GABRG3: variants seen among roughly 807,000 people sequenced by gnomAD.
GABRG3 encodes the protein gamma-aminobutyric acid receptor subunit gamma-3.
Under a neutral mutation model 48.8 loss-of-function variants are expected in GABRG3, and 25 were observed. That is an observed-to-expected ratio of 0.51 (90% CI 0.37 to 0.72). The LOEUF (loss-of-function observed/expected upper bound fraction) is 0.72. Among genes scored for constraint, GABRG3 ranks in the 30% least tolerant of loss-of-function variants. The pLI, the probability that GABRG3 is intolerant of heterozygous loss-of-function variation, is 0.00. For missense variants in GABRG3, 394 were observed against 577.9 expected, an observed-to-expected ratio of 0.68 and a Z score of 3.26; for synonymous variants, 227 against 217.6, an observed-to-expected ratio of 1.04 and a Z score of -0.38.
chr15:27,413,072 G>T (rs1887843894), intron 5 of GABRG3, among the ~76,000 whole-genome samples: 1 of 151,822 alleles, frequency 6.6e-6, no homozygotes, highest in African/African-American at 2.4e-5. Context: ...TCAAGTCAAA[G>T]CAACCAAAAA....
chr15:27,324,717 C>T (rs930848385), intron 3 of GABRG3, among the ~76,000 whole-genome samples: 1 of 152,212 alleles, frequency 6.6e-6, no homozygotes, highest in African/African-American at 2.4e-5. Flanking sequence ...GCCAGCTTCA[C>T]ATGTGCACAG....
intron 5 of GABRG3, among the ~76,000 whole-genome samples, chr15:27,420,046 C>T (rs575966057): frequency 3.7e-4 from 56 of 152,304 alleles, no homozygotes; most frequent in African/African-American, 1.3e-3. Flanking sequence ...GTGAAGAACA[C>T]CAAGGGTTGT....
At chr15:27,058,626 C>G (rs549613281) in intron 3 of GABRG3, among the ~76,000 whole-genome samples, 20 of 143,238 alleles carry the variant, frequency 1.4e-4, no homozygotes, top group African/African-American at 4.3e-4. Flanking sequence ...TGTGAAAGTA[C>G]TTTTTTTTTT....
chr15:27,031,063 G>GAC (rs72485766), intron 3 of GABRG3, among the ~76,000 whole-genome samples: 42,785 of 149,702 alleles, frequency 0.29, 6,065 homozygotes, highest in East Asian at 0.37. Context: ...CACACACACA[G>GAC]ACACACACAC....
intron 5 of GABRG3, among the ~76,000 whole-genome samples, chr15:27,397,316 A>G (rs1051521536): frequency 2.7e-4 from 41 of 151,798 alleles, no homozygotes; most frequent in African/African-American, 9.0e-4. Flanking sequence ...ATACATAGGG[A>G]AACGATACCT....
chr15:27,382,591 C>G (rs544668211), intron 5 of GABRG3, among the ~76,000 whole-genome samples: 3 of 152,284 alleles, frequency 2.0e-5, no homozygotes, highest in Non-Finnish European at 2.9e-5. Flanking sequence ...AAGGTTTACT[C>G]TGACAGTTGT....
intron 3 of GABRG3, among the ~76,000 whole-genome samples, chr15:27,035,531 G>A (rs7167040): frequency 0.2 from 30,078 of 152,074 alleles, 3,170 homozygotes; most frequent in Middle Eastern, 0.24. Flanking sequence ...CAAGAGCACC[G>A]TCTTTATGTT....
chr15:27,116,056 G>A (rs1667271820), intron 3 of GABRG3, among the ~76,000 whole-genome samples: 1 of 152,202 alleles, frequency 6.6e-6, no homozygotes, highest in Non-Finnish European at 1.5e-5. Context: ...GGAAACATCA[G>A]GGTTAAAGAG....
At chr15:27,141,886 G>C (rs1241214376) in intron 3 of GABRG3, among the ~76,000 whole-genome samples, 1 of 152,100 alleles carries the variant, frequency 6.6e-6, no homozygotes, top group Non-Finnish European at 1.5e-5. Context: ...TCTGCTGTGT[G>C]CTCACCCATC....
chr15:27,277,855 G>A (rs896172346), intron 3 of GABRG3, among the ~76,000 whole-genome samples: 2 of 152,122 alleles, frequency 1.3e-5, no homozygotes, highest in Admixed American at 1.3e-4. Flanking sequence ...TATTATTATA[G>A]TTTAAGAGGA....
chr15:27,275,333 A>G (rs1407520170), intron 3 of GABRG3, among the ~76,000 whole-genome samples: 1 of 152,094 alleles, frequency 6.6e-6, no homozygotes, highest in Non-Finnish European at 1.5e-5. Context: ...CCTTTGAATT[A>G]TATATGTAGT....
At position 26,976,705 on chromosome 15, in the gene GABRG3, G is replaced by A. The variant is rs868541140; in HGVS notation, c.54-297G>A. Among the ~76,000 whole-genome samples the A allele has an allele frequency of 6.6e-6, 1 of 152,130 alleles. No individual in the cohort carries two copies. Among genetic ancestry groups the A allele is most frequent in the Non-Finnish European group, 1.5e-5 (1 of 68,024 alleles). On this transcript the variant is annotated intron_variant, in intron 1 of 9. Coordinates refer to ENST00000615808, the MANE Select transcript of GABRG3 (RefSeq NM_033223.5). This position sits in a 1 kb window ranked among gnomAD's most constrained non-coding sequence, Gnocchi z 7.8. ...CCAAGGGTGTGTTGCCTGCTGGTTG[G>A]CCCTCTGGTGTTGTTTACCTGCCAC...
chr15:27,184,461 G>T (rs929343603), intron 3 of GABRG3, among the ~76,000 whole-genome samples: 1 of 152,080 alleles, frequency 6.6e-6, no homozygotes, highest in African/African-American at 2.4e-5. Flanking sequence ...GCACATTTTG[G>T]GGTGGCATAT....
chr15:27,442,321 G>A (rs1159755392), intron 5 of GABRG3, among the ~76,000 whole-genome samples: 2 of 152,184 alleles, frequency 1.3e-5, no homozygotes, highest in Non-Finnish European at 2.9e-5. Flanking sequence ...TCCACAAGAG[G>A]GATGCACTCC....
Position 27,029,501 on chromosome 15 carries a change from G to A in GABRG3, c.270+2680G>A, listed in dbSNP as rs150015813. On this transcript the variant is annotated intron_variant, in intron 3 of 9. Coordinates refer to ENST00000615808, the MANE Select transcript of GABRG3 (RefSeq NM_033223.5). The stretch of plus-strand genomic sequence containing the variant: ...CTCGTGCACACACACAGGCACACAC[G>A]TACGTGTGCACACATGCATCACACG... Among the ~76,000 whole-genome samples, 355 of 151,776 alleles carry A rather than the reference G, an allele frequency of 2.3e-3. 2 individuals are homozygous for A. The highest frequency in any genetic ancestry group is 7.9e-3 in the African/African-American group (327 of 41,358).
chr15:27,452,817 A>G (rs1438067767), intron 5 of GABRG3, among the ~76,000 whole-genome samples: 4 of 152,244 alleles, frequency 2.6e-5, no homozygotes, highest in Non-Finnish European at 5.9e-5. Context: ...CAGTGCAATC[A>G]GTATGCCGAA....
intron 3 of GABRG3, among the ~76,000 whole-genome samples, chr15:27,139,429 T>C (rs1282003534): frequency 6.6e-6 from 1 of 152,170 alleles, no homozygotes; most frequent in Non-Finnish European, 1.5e-5. Flanking sequence ...GAATGGATGG[T>C]GCCTGCCCAC....
rs1894959750 is a variant in GABRG3, at chr15:26,976,901, G to A, written c.54-101G>A. On this transcript the variant is annotated intron_variant, in intron 1 of 9. Coordinates refer to ENST00000615808, the MANE Select transcript of GABRG3 (RefSeq NM_033223.5). The surrounding 1 kb of genome is among the most constrained non-coding windows in gnomAD (Gnocchi z 7.8). ...GTGTGGTTGGGCTGTGGGTACTGGGGACTTTCTACCCATTTCATGGTACTT... is the reference window on the plus strand; with the variant it reads ...GTGTGGTTGGGCTGTGGGTACTGGGAACTTTCTACCCATTTCATGGTACTT... 8.4e-7 allele frequency: 1 copy of A among 1,194,176 alleles called. No individual in the cohort carries two copies. Among genetic ancestry groups the A allele is most frequent in the Non-Finnish European group, 1.2e-6 (1 of 828,650 alleles). The allele number at this position is 1,194,176 out of a possible 1,614,324, so 74.0% of individuals were successfully genotyped here. A position where few individuals can be genotyped will look rare whatever the true frequency, so the allele number is the denominator to read the frequency against.
At chr15:27,472,611 G>T (rs893394356) in intron 5 of GABRG3, among the ~76,000 whole-genome samples, 1 of 151,944 alleles carries the variant, frequency 6.6e-6, no homozygotes, top group African/African-American at 2.4e-5. Flanking sequence ...GCCTCTAATT[G>T]TTTTATATAT....
Sources: allele counts gnomAD v4.1 joint callset (sites outside exome capture counted in the v4.1 genomes callset), GRCh38; gene constraint gnomAD v4.1.1; non-coding constraint Gnocchi (gnomAD v3.1); transcripts MANE v1.5; gene names NCBI Gene and HGNC (gene_info 2026-07-23, HGNC 2026-07-21).